Variants in GRM7 observed in about 807,000 individuals in gnomAD.
GRM7 encodes the protein metabotropic glutamate receptor 7.
GRM7 carries 35 observed loss-of-function variants against 84.5 expected under a neutral mutation model. The ratio of observed to expected loss-of-function variants is 0.41; its 90% confidence interval spans 0.32 to 0.55. The LOEUF is 0.55. GRM7 is among the 20% of genes least tolerant of loss of function. The pLI, the probability that GRM7 is intolerant of heterozygous loss-of-function variation, is 0.19. For missense variants in GRM7, 1,003 were observed against 1,194.6 expected (o/e 0.84, Z 2.36); for synonymous variants, 487 against 455.1 (o/e 1.07, Z -0.89).
intron 1 of GRM7, among the ~76,000 whole-genome samples, chr3:7,064,888 G>A (rs1383087006): frequency 2.0e-5 from 3 of 151,862 alleles, no homozygotes; most frequent in African/African-American, 7.2e-5. Context: ...ATTTTTGCAG[G>A]AGTAAAGTGG....
rs1308203781 is a variant in GRM7, at chr3:7,649,967, TTATC to T, written c.2452-30079_2452-30076del. 2.6e-5 allele frequency among the ~76,000 whole-genome samples: 4 copies of T among 152,224 alleles called. No homozygotes were observed. The East Asian group carries it at 5.8e-4, about 22-fold the overall frequency. On this transcript the variant is annotated intron_variant, in intron 8 of 9. Transcript: ENST00000357716. ...TTTTTATAATAATTACAGTACATCA[TTATC>T]TAGGCTTCAAATGGAAAATTTGAGG...
At chr3:7,000,192 G>A (rs1287528500) in intron 1 of GRM7, among the ~76,000 whole-genome samples, 20 of 81,584 alleles carry the variant, frequency 2.5e-4, no homozygotes, top group African/African-American at 9.2e-4. Context: ...TTTTTTTTTA[G>A]ACAGAATTCC....
chr3:7,340,613 A>G (rs1701602451), intron 4 of GRM7, among the ~76,000 whole-genome samples: 1 of 152,138 alleles, frequency 6.6e-6, no homozygotes, highest in Admixed American at 6.6e-5. Flanking sequence ...TATCACATCT[A>G]TTACTGGGTT....
chr3:7,406,809 C>G (rs1360547393), intron 4 of GRM7, among the ~76,000 whole-genome samples: 5 of 152,160 alleles, frequency 3.3e-5, no homozygotes, highest in Non-Finnish European at 7.3e-5. Flanking sequence ...AGGATAAATA[C>G]CTTGAAACAT....
At chr3:7,266,065 G>A (rs1253072630) in intron 2 of GRM7, among the ~76,000 whole-genome samples, 1 of 152,062 alleles carries the variant, frequency 6.6e-6, no homozygotes, top group Non-Finnish European at 1.5e-5. Context: ...CTACAACAAT[G>A]AAGTAGAAAA....
chr3:7,571,131 G>A, intron 7 of GRM7, among the ~76,000 whole-genome samples: 1 of 152,188 alleles, frequency 6.6e-6, no homozygotes, highest in Middle Eastern at 3.2e-3. Context: ...CCAGTCCTGT[G>A]ATGGGATGGT....
At chr3:7,534,911 G>C (rs868364302) in intron 7 of GRM7, among the ~76,000 whole-genome samples, 5 of 152,236 alleles carry the variant, frequency 3.3e-5, no homozygotes, top group Admixed American at 6.5e-5. Context: ...GTGTTCTGGG[G>C]GGTGGTTGAT....
At chr3:7,606,248 C>A (rs138103902) in intron 8 of GRM7, among the ~76,000 whole-genome samples, 1 of 147,576 alleles carries the variant, frequency 6.8e-6, no homozygotes, top group South Asian at 2.1e-4. Context: ...CAGATGACTT[C>A]TAGCTCCTCT....
chr3:6,977,355 G>A (rs1484500046), intron 1 of GRM7, among the ~76,000 whole-genome samples: 1 of 152,064 alleles, frequency 6.6e-6, no homozygotes, highest in Admixed American at 6.6e-5. Context: ...GCTGGCGTGT[G>A]TGTGTTTGTC....
chr3:7,601,689 T>C (rs186925986), intron 8 of GRM7, among the ~76,000 whole-genome samples: 145 of 152,250 alleles, frequency 9.5e-4, no homozygotes, highest in Non-Finnish European at 1.8e-3. Flanking sequence ...TCAGGTTCTA[T>C]GTGGTCAGTG....
At chr3:7,509,178 G>A (rs1559369501) in intron 7 of GRM7, among the ~76,000 whole-genome samples, 1 of 151,970 alleles carries the variant, frequency 6.6e-6, no homozygotes, top group Non-Finnish European at 1.5e-5. Context: ...CAAATCACAG[G>A]GAGAAGAGGG....
intron 4 of GRM7, among the ~76,000 whole-genome samples, chr3:7,360,300 A>C (rs575238830): frequency 6.8e-6 from 1 of 147,972 alleles, no homozygotes; most frequent in African/African-American, 2.6e-5. Context: ...ATTGAAATCT[A>C]TGATTTAAAA....
intron 1 of GRM7, among the ~76,000 whole-genome samples, chr3:7,127,478 A>C (rs1238468195): frequency 6.6e-6 from 1 of 152,232 alleles, no homozygotes; most frequent in Non-Finnish European, 1.5e-5. Flanking sequence ...TTTTCTGTTT[A>C]GCAATATCTG....
At chr3:7,641,694 T>C (rs945475718) in intron 8 of GRM7, among the ~76,000 whole-genome samples, 4 of 151,540 alleles carry the variant, frequency 2.6e-5, no homozygotes, top group African/African-American at 9.8e-5. Context: ...AAAGAAGAGA[T>C]AATAAGGAAA....
At chr3:7,601,303 G>A (rs1347460982) in intron 8 of GRM7, among the ~76,000 whole-genome samples, 1 of 152,056 alleles carries the variant, frequency 6.6e-6, no homozygotes, top group Non-Finnish European at 1.5e-5. Context: ...CTAAGAAGGG[G>A]TGCACAGCTT....
intron 4 of GRM7, among the ~76,000 whole-genome samples, chr3:7,327,064 C>T (rs917650005): frequency 2.6e-5 from 4 of 152,210 alleles, no homozygotes; most frequent in African/African-American, 9.6e-5. Context: ...ATAACAGGTG[C>T]TCGAAGAAAC....
intron 7 of GRM7, among the ~76,000 whole-genome samples, chr3:7,492,043 C>T (rs1390768646): frequency 6.6e-6 from 1 of 152,156 alleles, no homozygotes; most frequent in Non-Finnish European, 1.5e-5. Flanking sequence ...ACCAGCCTTG[C>T]ATACCTAGAA....
chr3:6,901,240 C>A (rs1456245289), intron 1 of GRM7, among the ~76,000 whole-genome samples: 1 of 152,056 alleles, frequency 6.6e-6, no homozygotes, highest in Non-Finnish European at 1.5e-5. Context: ...CTGAGAAGTA[C>A]AAATATTAAT....
chr3:7,473,444 C>G (rs1698784097), intron 7 of GRM7, among the ~76,000 whole-genome samples: 1 of 150,758 alleles, frequency 6.6e-6, no homozygotes, highest in South Asian at 2.1e-4. Context: ...CTGCTGCACT[C>G]CAACCTACGC....
Sources: allele counts gnomAD v4.1 joint callset (sites outside exome capture counted in the v4.1 genomes callset), GRCh38; gene constraint gnomAD v4.1.1; transcripts MANE v1.5; gene names NCBI Gene and HGNC (gene_info 2026-07-23, HGNC 2026-07-21).